Variants in ATG2B observed in about 807,000 individuals in gnomAD.
ATG2B encodes the protein autophagy-related protein 2 homolog B.
ATG2B carries 121 observed loss-of-function variants against 241.3 expected under a neutral mutation model. The ratio of observed to expected loss-of-function variants is 0.50; its 90% CI spans 0.43 to 0.58. The LOEUF is 0.58. Ranked by LOEUF, ATG2B falls within the 20% of genes least tolerant of loss-of-function variation. The probability of loss-of-function intolerance (pLI) is 0.00; values close to 1 mark genes in which losing one functional copy is unlikely to be tolerated. For synonymous variants in ATG2B, 858 were observed against 876.6 expected (o/e 0.98, Z 0.37); for missense variants, 2,306 against 2,491.6 (o/e 0.93, Z 1.59).
Position 96,310,199 on chromosome 14 carries a change from TAAG to T in ATG2B, c.4162-608_4162-606del, listed in dbSNP as rs1195656968. 1.3e-5 allele frequency among the ~76,000 whole-genome samples: 2 copies of T among 152,128 alleles called. 1 individual carries two copies. Among genetic ancestry groups the T allele is most frequent in the South Asian group, 4.1e-4 (2 of 4,828 alleles). ...CCAAGCTGAAAGGGATAATTTAAAATAAGAAGAATGTTTTTTAAAAGGGAATAA... is the reference window on the plus strand; with the variant it reads ...CCAAGCTGAAAGGGATAATTTAAAATAAGAATGTTTTTTAAAAGGGAATAA... On this transcript the variant is annotated intron_variant, in intron 28 of 41. Coordinates refer to ENST00000359933, the MANE Select transcript of ATG2B (RefSeq NM_018036.7).
Position 96,326,033 on chromosome 14 carries a change from T to C in ATG2B, c.2164-111A>G, listed in dbSNP as rs528414404. The C allele has an allele frequency of 6.1e-4, 661 of 1,079,834 alleles. 5 individuals are homozygous for C. The highest frequency in any genetic ancestry group is 2.8e-3 in the Middle Eastern group (12 of 4,354). The allele number at this position is 1,079,834 out of a possible 1,614,324, so 66.9% of individuals were successfully genotyped here. A position where few individuals can be genotyped will look rare whatever the true frequency, so the allele number is the denominator to read the frequency against. On this transcript the variant is annotated intron_variant, in intron 14 of 41. Transcript: ENST00000359933. ...ATCACTATCTCCCCATTTGGTATAA[T>C]GCATTAAAAGTCAATTCAAATTAAC...
chr14:96,351,730 C>T (rs962713513), intron 1 of ATG2B, among the ~76,000 whole-genome samples: 18 of 132,850 alleles, frequency 1.4e-4, no homozygotes, highest in Non-Finnish European at 2.4e-4. Flanking sequence ...AGCAAGACTC[C>T]GTCTCAAAAA....
chr14:96,301,947 T>C (rs1886802580), intron 34 of ATG2B, 60 bp downstream of exon 34: 1 of 1,279,748 alleles, frequency 7.8e-7, no homozygotes, highest in South Asian at 1.3e-5. Context: ...ACAATTTCTT[T>C]ATTCTGAACA....
In ATG2B at chr14:96,326,346, A is replaced by G. The variant is rs1277521290; in HGVS notation, c.2164-424T>C. Among the ~76,000 whole-genome samples, 4 of 152,222 alleles carry G rather than the reference A, an allele frequency of 2.6e-5. No homozygotes were observed. In the East Asian group the frequency reaches 5.8e-4, roughly 22 times the overall value. On this transcript the variant is annotated intron_variant, in intron 14 of 41. Transcript: ENST00000359933. The stretch of plus-strand genomic sequence containing the variant: ...TATATGATTTTAAATACTCAATGTG[A>G]AATCAGATGAATTATGCCAAATACA...
At position 96,289,464 on chromosome 14, in the gene ATG2B, G is replaced by A; in HGVS notation, c.6006+192C>T. 3.4e-6 allele frequency: 2 copies of A among 590,968 alleles called. No homozygotes were observed. Among genetic ancestry groups the A allele is most frequent in the South Asian group, 2.3e-5 (1 of 42,952 alleles). The allele number at this position is 590,968 out of a possible 1,614,324, so 36.6% of individuals were successfully genotyped here. A position where few individuals can be genotyped will look rare whatever the true frequency, so the allele number is the denominator to read the frequency against. On this transcript the variant is annotated intron_variant, in intron 41 of 41. Transcript: ENST00000359933. This position sits in a 1 kb window ranked among gnomAD's most constrained non-coding sequence, Gnocchi z 4.3. The stretch of plus-strand genomic sequence containing the variant: ...CACCCACGCAATCACTAGTATTCCT[G>A]TCAGCCTATTGGTCCCAGACTGGCC...
At position 96,295,703 on chromosome 14, in the gene ATG2B, T is replaced by C. The variant is rs954995720; in HGVS notation, c.5140-143A>G. The C allele has an allele frequency of 1.4e-4, 63 of 451,230 alleles. No homozygotes were observed. The East Asian group carries it at 2.2e-3, about 16-fold the overall frequency. The allele number at this position is 451,230 out of a possible 1,614,324, so 28.0% of individuals were successfully genotyped here. On this transcript the variant is annotated intron_variant, in intron 34 of 41. Transcript: ENST00000359933. ...TTATTGAATTCTTTCTCCATGCTAG[T>C]CATTATTCCTATTCTTCCCCCCACC...
intron 29 of ATG2B, 28 bp downstream of exon 29, chr14:96,309,425 T>C (rs747549286): frequency 4.4e-6 from 7 of 1,592,390 alleles, no homozygotes; most frequent in Non-Finnish European, 5.1e-6. Flanking sequence ...TTAACATCAG[T>C]GCTCCCTGAG....
chr14:96,321,706 A>G (rs775507772), intron 18 of ATG2B, among the ~76,000 whole-genome samples: 3 of 152,166 alleles, frequency 2.0e-5, no homozygotes, highest in South Asian at 4.1e-4. Flanking sequence ...TTCCAACAAG[A>G]TATCTTTTTG....
rs73363270 is a variant in ATG2B, at chr14:96,336,328, C to T, written c.925-1827G>A. The stretch of plus-strand genomic sequence containing the variant: ...GATCTATGTTTCTCAATACTAAAAT[C>T]CAGAACTTGTCTTTTTCCATTTAGC... On this transcript the variant is annotated intron_variant, in intron 6 of 41. Transcript: ENST00000359933. Among the ~76,000 whole-genome samples the T allele has an allele frequency of 9.1e-3, 1,387 of 152,222 alleles. 19 individuals carry two copies. The highest frequency in any genetic ancestry group is 0.032 in the African/African-American group (1,331 of 41,512).
Position 96,316,662 on chromosome 14 carries a change from C to T in ATG2B, c.3232G>A (p.Glu1078Lys). Residue 1078 changes from glutamate (E) to lysine (K), a missense_variant, in exon 21 of 42, where the codon GAA becomes AAA. Around this residue, in one of 2 missense-constraint regions of ATG2B, gnomAD observed 1,927 missense variants for 2,011.2 expected, o/e 0.96. Coordinates refer to ENST00000359933, the MANE Select transcript of ATG2B (RefSeq NM_018036.7). ...DVKQDNGDLL[E>K]NKHGEFWLEF... ...AACCAGAATTCACCATGCTTGTTTT[C>T]CAACAGATCTCCATTATCTTGCTAG... is the stretch of plus-strand genomic sequence containing the variant. The T allele has an allele frequency of 1.2e-6, 2 of 1,609,548 alleles. No individual in the cohort carries two copies. Among genetic ancestry groups the T allele is most frequent in the Admixed American group, 1.7e-5 (1 of 58,902 alleles).
At chr14:96,334,377 G>A in intron 7 of ATG2B, 28 bp downstream of exon 7, 2 of 1,442,646 alleles carry the variant, frequency 1.4e-6, no homozygotes, top group Non-Finnish European at 1.9e-6. Flanking sequence ...AAAGTAACAA[G>A]TATATATAAT....
At chr14:96,288,884 T>G (rs1886409312) in intron 41 of ATG2B, among the ~76,000 whole-genome samples, 2 of 151,078 alleles carry the variant, frequency 1.3e-5, no homozygotes, top group Admixed American at 1.3e-4. Flanking sequence ...CATGTCGAGA[T>G]TCCAACGGTT....
At position 96,289,783 on chromosome 14, in the gene ATG2B, T is replaced by C; in HGVS notation, c.5879A>G (p.Asp1960Gly). The C allele has an allele frequency of 6.2e-7, 1 of 1,614,090 alleles. No individual in the cohort carries two copies. Among genetic ancestry groups the C allele is most frequent in the South Asian group, 1.1e-5 (1 of 91,080 alleles). ...TIQAAAETAY[D>G]MVSPGTLSIE... ...AGAAAGGGTACCAGGAGACACCATATCATAAGCAGTCTCTGCAGCTGCCTG... is the reference window on the plus strand; with the variant it reads ...AGAAAGGGTACCAGGAGACACCATACCATAAGCAGTCTCTGCAGCTGCCTG... The change falls in exon 41 of 42, where the codon GAT (aspartate) becomes GGT (glycine). Residue 1960 changes from aspartate to glycine, a missense_variant. Physicochemically the swap from Asp to Gly is moderately conservative, Grantham distance 94 (BLOSUM62 -1). Around this residue, in one of 2 missense-constraint regions of ATG2B, gnomAD observed 379 missense variants for 480.4 expected, o/e 0.79. Transcript: ENST00000359933. The surrounding 1 kb of genome is among the most constrained non-coding windows in gnomAD (Gnocchi z 4.3).
intron 18 of ATG2B, among the ~76,000 whole-genome samples, chr14:96,321,864 A>G (rs1052393166): frequency 6.6e-6 from 1 of 152,196 alleles, no homozygotes; most frequent in Admixed American, 6.5e-5. Flanking sequence ...CAGTAAGCTG[A>G]CAGAGGGCAA....
intron 18 of ATG2B, among the ~76,000 whole-genome samples, chr14:96,319,411 A>C (rs938047627): frequency 1.3e-5 from 2 of 152,202 alleles, no homozygotes; most frequent in Non-Finnish European, 2.9e-5. Flanking sequence ...ATTTAATGAA[A>C]GCAATTAGAA....
At chr14:96,320,883 G>C (rs1307104328) in intron 18 of ATG2B, among the ~76,000 whole-genome samples, 1 of 151,998 alleles carries the variant, frequency 6.6e-6, no homozygotes, top group Non-Finnish European at 1.5e-5. Flanking sequence ...TGAAACTGTA[G>C]ATCATATATA....
At chr14:96,344,082 G>A (rs1888111919) in intron 4 of ATG2B, among the ~76,000 whole-genome samples, 1 of 152,242 alleles carries the variant, frequency 6.6e-6, no homozygotes, top group Admixed American at 6.5e-5. Flanking sequence ...TTAGGTGTAT[G>A]TATGTAAATT....
chr14:96,285,611 T>C lies in ATG2B; in HGVS notation c.*144A>G, dbSNP rs1886312550. The C allele has an allele frequency of 2.7e-6, 2 of 734,462 alleles. No individual in the cohort carries two copies. Among genetic ancestry groups the C allele is most frequent in the Admixed American group, 2.9e-5 (1 of 34,690 alleles). The allele number at this position is 734,462 out of a possible 1,614,324, so 45.5% of individuals were successfully genotyped here. A position where few individuals can be genotyped will look rare whatever the true frequency, so the allele number is the denominator to read the frequency against. On this transcript the variant is annotated 3_prime_UTR_variant, in exon 42 of 42. Transcript: ENST00000359933. The surrounding 1 kb of genome is among the most constrained non-coding windows in gnomAD (Gnocchi z 4.2). ...CAGAAGTTTTTGGTTGCATGTTGTT[T>C]TGATGTTAAATTATTTAACTAAAAA... is the stretch of plus-strand genomic sequence containing the variant.
At chr14:96,348,716 G>C (rs1235698661) in intron 1 of ATG2B, among the ~76,000 whole-genome samples, 1 of 151,364 alleles carries the variant, frequency 6.6e-6, no homozygotes, top group Non-Finnish European at 1.5e-5. Flanking sequence ...AGTACAACAA[G>C]GTGGCTACAG....
Sources: allele counts gnomAD v4.1 joint callset (sites outside exome capture counted in the v4.1 genomes callset), GRCh38; gene constraint gnomAD v4.1.1; regional missense constraint gnomAD v4.1.1; non-coding constraint Gnocchi (gnomAD v3.1); transcripts MANE v1.5; gene names NCBI Gene and HGNC (gene_info 2026-07-23, HGNC 2026-07-21).